MAGI1: variants seen among roughly 807,000 people sequenced by gnomAD.
The protein encoded by MAGI1 is membrane associated guanylate kinase, WW and PDZ domain containing 1, also known as membrane-associated guanylate kinase, WW and PDZ domain-containing protein 1.
MAGI1 carries 58 observed loss-of-function variants against 139.9 expected under a neutral mutation model. That is an observed-to-expected ratio of 0.41 (90% CI 0.34 to 0.52). MAGI1 has a LOEUF of 0.52. Ranked by LOEUF, MAGI1 falls within the 20% of genes least tolerant of loss-of-function variation. MAGI1 has a pLI of 0.12. For synonymous variants in MAGI1, 812 were observed against 737.9 expected, an observed-to-expected ratio of 1.10 and a Z score of -1.63; for missense variants, 1,874 against 1,901.6, an observed-to-expected ratio of 0.99 and a Z score of 0.27.
At chr3:65,989,642 A>T (rs1232312206) in intron 1 of MAGI1, among the ~76,000 whole-genome samples, 4 of 152,134 alleles carry the variant, frequency 2.6e-5, no homozygotes, top group Non-Finnish European at 1.5e-5. Context: ...GGTTCAAGTG[A>T]TCCTCCTGCC....
intron 2 of MAGI1, among the ~76,000 whole-genome samples, chr3:65,566,924 G>A (rs1038345684): frequency 2.6e-5 from 4 of 152,068 alleles, no homozygotes; most frequent in African/African-American, 4.8e-5. Context: ...TTAAAATCTT[G>A]TGAATGCATC....
intron 3 of MAGI1, among the ~76,000 whole-genome samples, chr3:65,481,833 A>AC (rs1951313256): frequency 6.6e-6 from 1 of 152,200 alleles, no homozygotes; most frequent in South Asian, 2.1e-4. Flanking sequence ...TTAGGTACCT[A>AC]CCCTCACTTT....
intron 2 of MAGI1, among the ~76,000 whole-genome samples, chr3:65,524,024 G>A (rs947558103): frequency 2.0e-5 from 3 of 152,218 alleles, no homozygotes; most frequent in South Asian, 2.1e-4. Flanking sequence ...TTTGAAAAGG[G>A]AAGAGAGGAA....
chr3:65,869,978 G>A (rs1039554807), intron 1 of MAGI1, among the ~76,000 whole-genome samples: 1 of 152,152 alleles, frequency 6.6e-6, no homozygotes, highest in Non-Finnish European at 1.5e-5. Context: ...AATCTGCATT[G>A]CATTCTGTAC....
At chr3:65,874,231 A>C (rs2108499649) in intron 1 of MAGI1, 1 of 152,146 alleles carries the variant, frequency 6.6e-6, no homozygotes, top group Non-Finnish European at 1.5e-5. Flanking sequence ...GGTTGTAGTG[A>C]GCCGAAATCT....
chr3:65,382,600 T>G (rs756165456), intron 15 of MAGI1, among the ~76,000 whole-genome samples: 38 of 152,230 alleles, frequency 2.5e-4, no homozygotes, highest in Non-Finnish European at 4.6e-4. Flanking sequence ...ATATTTGCCA[T>G]TCACTAAACC....
At chr3:65,537,207 C>T (rs931144022) in intron 2 of MAGI1, among the ~76,000 whole-genome samples, 2 of 152,116 alleles carry the variant, frequency 1.3e-5, no homozygotes, top group Non-Finnish European at 2.9e-5. Context: ...AGATCAAACA[C>T]ATTTATTCCA....
At chr3:65,959,606 T>A (rs1270774651) in intron 1 of MAGI1, among the ~76,000 whole-genome samples, 7 of 120,514 alleles carry the variant, frequency 5.8e-5, no homozygotes, top group Non-Finnish European at 1.3e-4. Context: ...GCATTTTTAT[T>A]ATTATTATTA....
chr3:65,552,087 G>A (rs1353321984), intron 2 of MAGI1, among the ~76,000 whole-genome samples: 1 of 152,170 alleles, frequency 6.6e-6, no homozygotes, highest in Non-Finnish European at 1.5e-5. Flanking sequence ...TCATTGTTTG[G>A]AATGGAGTGT....
At chr3:65,719,202 A>G (rs2032679002) in intron 1 of MAGI1, among the ~76,000 whole-genome samples, 1 of 152,026 alleles carries the variant, frequency 6.6e-6, no homozygotes, top group African/African-American at 2.4e-5. Context: ...AATGTAACCA[A>G]GACACTGCTA....
At chr3:65,358,596 G>A (rs1940457271) in intron 22 of MAGI1, among the ~76,000 whole-genome samples, 1 of 152,160 alleles carries the variant, frequency 6.6e-6, no homozygotes, top group Non-Finnish European at 1.5e-5. Context: ...TAAAAACACA[G>A]GCAACACAAA....
chr3:65,671,441 G>A (rs12374103), intron 1 of MAGI1, among the ~76,000 whole-genome samples: 79,238 of 151,514 alleles, frequency 0.52, 21,996 homozygotes, highest in Non-Finnish European at 0.6. Context: ...CAAATGAGCT[G>A]GCCAAATGCC....
At chr3:65,667,152 C>G (rs560720493) in intron 1 of MAGI1, among the ~76,000 whole-genome samples, 1 of 152,262 alleles carries the variant, frequency 6.6e-6, no homozygotes, top group Admixed American at 6.5e-5. Context: ...AATCATTTAT[C>G]TAAATTATTT....
At chr3:66,003,380 G>A (rs2066851783) in intron 1 of MAGI1, among the ~76,000 whole-genome samples, 1 of 152,074 alleles carries the variant, frequency 6.6e-6, no homozygotes, top group Non-Finnish European at 1.5e-5. Flanking sequence ...GGCAGGACAT[G>A]CACGGTGGCT....
At chr3:65,549,191 G>T (rs891042510) in intron 2 of MAGI1, among the ~76,000 whole-genome samples, 1 of 152,138 alleles carries the variant, frequency 6.6e-6, no homozygotes. Context: ...CTGGGGAGGC[G>T]GGAAGGGGGA....
At chr3:65,844,768 T>A (rs1365916244) in intron 1 of MAGI1, among the ~76,000 whole-genome samples, 2 of 152,136 alleles carry the variant, frequency 1.3e-5, no homozygotes, top group Admixed American at 1.3e-4. Flanking sequence ...GCAGATTGGA[T>A]CCAATCTAAA....
At chr3:65,515,921 T>C (rs1026198937) in intron 2 of MAGI1, among the ~76,000 whole-genome samples, 1 of 152,224 alleles carries the variant, frequency 6.6e-6, no homozygotes. Flanking sequence ...ATAAAGTTTA[T>C]TGGAGAAGGC....
chr3:65,898,913 A>T (rs1191726812), intron 1 of MAGI1, among the ~76,000 whole-genome samples: 1 of 152,162 alleles, frequency 6.6e-6, no homozygotes, highest in Non-Finnish European at 1.5e-5. Flanking sequence ...TAAATAATTA[A>T]AGAAAATTTA....
intron 2 of MAGI1, among the ~76,000 whole-genome samples, chr3:65,498,301 G>A (rs747426473): frequency 4.1e-5 from 6 of 147,388 alleles, no homozygotes; most frequent in East Asian, 2.0e-4. Context: ...AAAAAAAAGC[G>A]ACCAGGCTGA....
Sources: gnomAD v4.1 joint callset for allele counts (sites outside exome capture counted in the v4.1 genomes callset) on GRCh38, gnomAD v4.1.1 for gene constraint, MANE v1.5 for transcripts, NCBI Gene and HGNC (gene_info 2026-07-23, HGNC 2026-07-21) for gene names.